The following SPOCK3 variants were observed in gnomAD, a reference collection of about 807,000 sequenced individuals.
SPOCK3 encodes SPARC (osteonectin), cwcv and kazal like domains proteoglycan 3.
In SPOCK3, 30 loss-of-function variants were observed where a neutral mutation model predicts 56.6. The ratio of observed to expected loss-of-function variants is 0.53; its 90% CI spans 0.40 to 0.72. The LOEUF (loss-of-function observed/expected upper bound fraction) is 0.72, where lower values mean the gene tolerates loss of function less well. Ranked by LOEUF, SPOCK3 falls within the 30% of genes least tolerant of loss-of-function variation. SPOCK3 has a pLI of 0.00. For missense variants in SPOCK3, 527 were observed against 530.0 expected, an observed-to-expected ratio of 0.99 and a Z score of 0.06; for synonymous variants, 196 against 183.3, an observed-to-expected ratio of 1.07 and a Z score of -0.56.
chr4:166,802,224 A>C (rs62355247), intron 6 of SPOCK3, among the ~76,000 whole-genome samples: 39,506 of 151,850 alleles, frequency 0.26, 6,402 homozygotes, highest in East Asian at 0.73. Flanking sequence ...TTCTGTCTGT[A>C]AAGATCAATG....
intron 4 of SPOCK3, among the ~76,000 whole-genome samples, chr4:166,950,106 G>T (rs1334440391): frequency 6.6e-6 from 1 of 151,042 alleles, no homozygotes; most frequent in Non-Finnish European, 1.5e-5. Context: ...AAATGTAAAT[G>T]GACTAAATGC....
intron 8 of SPOCK3, among the ~76,000 whole-genome samples, chr4:166,749,258 A>G (rs1367033972): frequency 1.5e-5 from 2 of 137,638 alleles, no homozygotes; most frequent in Non-Finnish European, 3.1e-5. Flanking sequence ...CAATGATAGA[A>G]TGGTTTAAGA....
At chr4:167,197,635 G>C (rs960282906) in intron 2 of SPOCK3, among the ~76,000 whole-genome samples, 16 of 151,800 alleles carry the variant, frequency 1.1e-4, no homozygotes, top group African/African-American at 3.1e-4. Flanking sequence ...CCACAAAAGT[G>C]GGAATAAACT....
rs535876755 is a variant in SPOCK3, at chr4:166,966,543, T to C, written c.350+33806A>G. Reference sequence around the variant, plus strand: ...ACTCATGAGTTGAGGCTAATAAAATTAATACATTTTACTACTTTGTCAAGG... The same window carrying C: ...ACTCATGAGTTGAGGCTAATAAAATCAATACATTTTACTACTTTGTCAAGG... On this transcript the variant is annotated intron_variant, in intron 4 of 10. Transcript: ENST00000357545. 5.9e-5 allele frequency among the ~76,000 whole-genome samples: 9 copies of C among 152,174 alleles called. No individual in the cohort carries two copies. The South Asian group carries it at 1.9e-3, about 31-fold the overall frequency.
At chr4:167,011,698 CAT>C (rs1750084291) in intron 3 of SPOCK3, among the ~76,000 whole-genome samples, 1 of 152,038 alleles carries the variant, frequency 6.6e-6, no homozygotes, top group Non-Finnish European at 1.5e-5. Context: ...GCCATATAAA[CAT>C]CAACTCATCA....
At chr4:166,953,212 T>C (rs931159624) in intron 4 of SPOCK3, among the ~76,000 whole-genome samples, 1 of 151,290 alleles carries the variant, frequency 6.6e-6, no homozygotes, top group Admixed American at 6.6e-5. Context: ...ATCCAGAATC[T>C]ACAATGAACT....
chr4:166,899,504 C>CT (rs1553997540), intron 5 of SPOCK3, among the ~76,000 whole-genome samples: 2 of 78,310 alleles, frequency 2.6e-5, no homozygotes, highest in South Asian at 5.3e-4. Flanking sequence ...GTATTTCTTT[C>CT]TTTCTTTTTT....
intron 2 of SPOCK3, among the ~76,000 whole-genome samples, chr4:167,074,365 G>C (rs533680892): frequency 1.3e-5 from 2 of 151,986 alleles, no homozygotes; most frequent in East Asian, 2.0e-4. Flanking sequence ...TGAAACTAAG[G>C]TGTCAACCAA....
chr4:166,915,331 A>G (rs576488987), intron 4 of SPOCK3, among the ~76,000 whole-genome samples: 2 of 152,282 alleles, frequency 1.3e-5, no homozygotes, highest in Non-Finnish European at 2.9e-5. Context: ...TAATTAAAAA[A>G]AAATGTTTCT....
chr4:167,057,154 T>A (rs1044277102), intron 3 of SPOCK3, among the ~76,000 whole-genome samples: 24 of 152,148 alleles, frequency 1.6e-4, no homozygotes, highest in African/African-American at 5.8e-4. Flanking sequence ...AGAAAAGAAT[T>A]TTCAACCCAG....
intron 2 of SPOCK3, among the ~76,000 whole-genome samples, chr4:167,181,751 C>A (rs1205920003): frequency 6.6e-6 from 1 of 152,214 alleles, no homozygotes; most frequent in Non-Finnish European, 1.5e-5. Context: ...CCAAGCTATA[C>A]TCAGTAGTTG....
intron 5 of SPOCK3, among the ~76,000 whole-genome samples, chr4:166,900,416 T>A (rs550325793): frequency 6.6e-6 from 1 of 152,278 alleles, no homozygotes; most frequent in African/African-American, 2.4e-5. Flanking sequence ...GGTTCACATA[T>A]CTTAGTAAGG....
chr4:166,983,407 T>C (rs10007949), intron 4 of SPOCK3, among the ~76,000 whole-genome samples: 1 of 152,124 alleles, frequency 6.6e-6, no homozygotes, highest in South Asian at 2.1e-4. Flanking sequence ...TGTTAGCTTC[T>C]ATGTATTAGT....
At chr4:167,123,456 T>C (rs1284527677) in intron 2 of SPOCK3, among the ~76,000 whole-genome samples, 1 of 152,152 alleles carries the variant, frequency 6.6e-6, no homozygotes, top group Non-Finnish European at 1.5e-5. Context: ...TAAAATATAC[T>C]GGTAGTTGTG....
intron 2 of SPOCK3, among the ~76,000 whole-genome samples, chr4:167,212,574 G>C (rs906866613): frequency 6.6e-6 from 1 of 152,078 alleles, no homozygotes; most frequent in Non-Finnish European, 1.5e-5. Context: ...AATATAGACA[G>C]AAATCTGGAC....
chr4:167,097,012 C>G (rs1759214983), intron 2 of SPOCK3, among the ~76,000 whole-genome samples: 1 of 151,656 alleles, frequency 6.6e-6, no homozygotes, highest in African/African-American at 2.4e-5. Context: ...TGTAATGCCC[C>G]CCTCTATCCC....
intron 5 of SPOCK3, among the ~76,000 whole-genome samples, chr4:166,896,439 C>T (rs547524631): frequency 6.6e-6 from 1 of 152,242 alleles, no homozygotes; most frequent in South Asian, 2.1e-4. Context: ...ATCCAGAAAG[C>T]TTTGGGCCTG....
In SPOCK3 at chr4:167,152,653, T is replaced by C. The variant is rs1232042546; in HGVS notation, c.189+81332A>G. ...CTTAAATAGAAGTAAAATGTAATTA[T>C]GAGTGCTTGTTGATGGCTGAGAGCA... On this transcript the variant is annotated intron_variant, in intron 2 of 10. Transcript: ENST00000357545. Among the ~76,000 whole-genome samples, 6 of 152,212 alleles carry C rather than the reference T, an allele frequency of 3.9e-5. No homozygotes were observed. The East Asian group carries it at 1.2e-3, about 29-fold the overall frequency.
At chr4:167,095,045 T>A (rs1327974046) in intron 2 of SPOCK3, among the ~76,000 whole-genome samples, 2 of 152,094 alleles carry the variant, frequency 1.3e-5, no homozygotes, top group Non-Finnish European at 2.9e-5. Context: ...AGGAAGGCAT[T>A]CTTTCTTACT....
Sources: allele counts gnomAD v4.1 joint callset (sites outside exome capture counted in the v4.1 genomes callset), GRCh38; gene constraint gnomAD v4.1.1; transcripts MANE v1.5; gene names NCBI Gene and HGNC (gene_info 2026-07-23, HGNC 2026-07-21).